The following ROR2 variants were observed in gnomAD, a reference collection of about 807,000 sequenced individuals.
ROR2 encodes the protein ROR family WNT receptor 2, also known as tyrosine-protein kinase transmembrane receptor ROR2.
Under a neutral mutation model 74.9 loss-of-function variants are expected in ROR2, and 33 were observed. The observed-to-expected ratio is 0.44, with a 90% CI of 0.33 to 0.59. ROR2 has a LOEUF of 0.59. ROR2 is among the 20% of genes least tolerant of loss of function. The pLI is 0.02. For missense variants in ROR2, 1,216 were observed against 1,313.8 expected, an observed-to-expected ratio of 0.93 and a Z score of 1.15; for synonymous variants, 586 against 558.7, an observed-to-expected ratio of 1.05 and a Z score of -0.69.
chr9:91,723,885 C>G lies in ROR2; in HGVS notation c.2609G>C (p.Ser870Thr). ...GGGGGCCGTGGTGACGTAGCCTGTG[C>G]TGGTGGAGCCACTGCCACTGTGGTG... ...SSHHSGSGSTSTGYVTTAPSN... is the reference protein window; with the variant it reads ...SSHHSGSGSTTTGYVTTAPSN... The change falls in exon 9 of 9, where the codon AGC becomes ACC. Residue 870 changes from serine to threonine, a missense_variant. By Grantham distance (58) the Ser-to-Thr change is moderately conservative. Coordinates refer to ENST00000375708, the MANE Select transcript of ROR2 (RefSeq NM_004560.4). 1 of 1,613,990 alleles carries G rather than the reference C, an allele frequency of 6.2e-7. No homozygotes were observed. The highest frequency in any genetic ancestry group is 8.5e-7 in the Non-Finnish European group (1 of 1,180,030).
intron 4 of ROR2, among the ~76,000 whole-genome samples, chr9:91,744,784 G>A (rs1344243712): frequency 1.3e-5 from 2 of 152,248 alleles, no homozygotes; most frequent in African/African-American, 4.8e-5. Context: ...GCCAGAGGCA[G>A]AGAAGACAAT....
intron 1 of ROR2, among the ~76,000 whole-genome samples, chr9:91,800,521 C>T (rs1827340219): frequency 2.0e-5 from 3 of 151,980 alleles, no homozygotes; most frequent in Admixed American, 6.6e-5. Flanking sequence ...ACACACGTGG[C>T]CTCAAGGAAA....
intron 2 of ROR2, among the ~76,000 whole-genome samples, chr9:91,763,515 T>C (rs1474541014): frequency 2.0e-5 from 3 of 152,210 alleles, no homozygotes; most frequent in African/African-American, 4.8e-5. Flanking sequence ...GCCAATCTGA[T>C]AGGTGCTGCG....
chr9:91,872,427 T>C (rs1167445339), intron 1 of ROR2, among the ~76,000 whole-genome samples: 1 of 152,202 alleles, frequency 6.6e-6, no homozygotes, highest in African/African-American at 2.4e-5. Context: ...CCAATGACTA[T>C]TCCTCACTTT....
intron 1 of ROR2, among the ~76,000 whole-genome samples, chr9:91,947,937 GC>G: frequency 6.6e-6 from 1 of 151,654 alleles, no homozygotes; most frequent in Admixed American, 6.6e-5. Context: ...TGTTAACCTA[GC>G]CATACAGAAC....
At chr9:91,899,992 G>A (rs975657896) in intron 1 of ROR2, among the ~76,000 whole-genome samples, 1 of 152,218 alleles carries the variant, frequency 6.6e-6, no homozygotes, top group Non-Finnish European at 1.5e-5. Flanking sequence ...CATTTGACCT[G>A]TGAATGCAGG....
intron 1 of ROR2, among the ~76,000 whole-genome samples, chr9:91,800,454 T>A (rs1456969781): frequency 6.6e-6 from 1 of 151,994 alleles, no homozygotes; most frequent in African/African-American, 2.4e-5. Context: ...GATGGGAACA[T>A]GACAGTTGCT....
At chr9:91,840,227 G>A (rs1485266968) in intron 1 of ROR2, among the ~76,000 whole-genome samples, 1 of 152,126 alleles carries the variant, frequency 6.6e-6, no homozygotes, top group Non-Finnish European at 1.5e-5. Context: ...AGCTGCACAG[G>A]AACACACGTG....
chr9:91,745,585 C>T (rs1304448581), intron 4 of ROR2, among the ~76,000 whole-genome samples: 2 of 152,026 alleles, frequency 1.3e-5, no homozygotes, highest in East Asian at 1.9e-4. Context: ...GCCACCACAC[C>T]TGGCTAATTT....
intron 1 of ROR2, among the ~76,000 whole-genome samples, chr9:91,815,389 A>G (rs139994866): frequency 6.6e-6 from 1 of 152,300 alleles, no homozygotes; most frequent in East Asian, 1.9e-4. Flanking sequence ...TTCATAATAA[A>G]AGTTGTCACA....
intron 7 of ROR2, 48 bp downstream of exon 7, chr9:91,730,862 G>A (rs747113607): frequency 6.2e-7 from 1 of 1,612,520 alleles, no homozygotes; most frequent in East Asian, 2.2e-5. Context: ...TCATCACAAG[G>A]TTCACTCAAC....
At chr9:91,746,396 G>A (rs992442639) in intron 4 of ROR2, among the ~76,000 whole-genome samples, 2 of 152,160 alleles carry the variant, frequency 1.3e-5, no homozygotes, top group Admixed American at 6.6e-5. Context: ...TTCTGCTCAC[G>A]TCATTTCTAA....
intron 2 of ROR2, among the ~76,000 whole-genome samples, chr9:91,765,481 G>C (rs1222974535): frequency 6.6e-6 from 1 of 152,196 alleles, no homozygotes; most frequent in African/African-American, 2.4e-5. Flanking sequence ...TGAGGACTGG[G>C]TTCCCTTGAC....
intron 1 of ROR2, among the ~76,000 whole-genome samples, chr9:91,810,866 G>A (rs1417819107): frequency 6.6e-6 from 1 of 152,238 alleles, no homozygotes; most frequent in Non-Finnish European, 1.5e-5. Flanking sequence ...CAGACCCAGA[G>A]GGGAGACATC....
chr9:91,755,558 C>A (rs1825722908), intron 4 of ROR2, among the ~76,000 whole-genome samples: 2 of 152,370 alleles, frequency 1.3e-5, no homozygotes, highest in Non-Finnish European at 2.9e-5. Context: ...GGCCTGAGTT[C>A]AAAGCCACTG....
intron 1 of ROR2, among the ~76,000 whole-genome samples, chr9:91,799,818 C>A (rs1470679574): frequency 6.6e-6 from 1 of 152,180 alleles, no homozygotes; most frequent in Non-Finnish European, 1.5e-5. Context: ...AGCAATGCTC[C>A]TGGCCCACTG....
chr9:91,727,492 T>C (rs1295871056), intron 7 of ROR2, among the ~76,000 whole-genome samples: 1 of 152,062 alleles, frequency 6.6e-6, no homozygotes, highest in Non-Finnish European at 1.5e-5. Flanking sequence ...CCAGGCAGGC[T>C]GAGGTGACCT....
chr9:91,808,380 A>G (rs898361073), intron 1 of ROR2, among the ~76,000 whole-genome samples: 2 of 152,238 alleles, frequency 1.3e-5, no homozygotes, highest in Admixed American at 1.3e-4. Flanking sequence ...GACACCTGCA[A>G]TCCTAGCATT....
intron 2 of ROR2, among the ~76,000 whole-genome samples, chr9:91,769,643 A>T (rs930896912): frequency 2.0e-5 from 3 of 151,830 alleles, no homozygotes; most frequent in African/African-American, 7.3e-5. Context: ...TGCCTGGAGC[A>T]TCCTGAGCTG....
Sources: gnomAD v4.1 joint callset for allele counts (sites outside exome capture counted in the v4.1 genomes callset) on GRCh38, gnomAD v4.1.1 for gene constraint, MANE v1.5 for transcripts, NCBI Gene and HGNC (gene_info 2026-07-23, HGNC 2026-07-21) for gene names.